Variants in CSMD1 observed in about 807,000 individuals in gnomAD.
CSMD1 encodes the protein CUB and Sushi multiple domains 1.
Under a neutral mutation model 417.5 loss-of-function variants are expected in CSMD1, and 213 were observed. That is an observed-to-expected ratio of 0.51 (90% CI 0.46 to 0.57). The LOEUF is 0.57. Among genes scored for constraint, CSMD1 ranks in the 20% least tolerant of loss-of-function variants. CSMD1 has a pLI of 0.00. For missense variants in CSMD1, 6,923 were observed against 4,529.7 expected, an observed-to-expected ratio of 1.53 and a Z score of -15.17; for synonymous variants, 2,862 against 1,736.8, an observed-to-expected ratio of 1.65 and a Z score of -16.11.
chr8:4,758,472 G>A (rs921938028), intron 1 of CSMD1, among the ~76,000 whole-genome samples: 2 of 152,160 alleles, frequency 1.3e-5, no homozygotes, highest in Admixed American at 6.5e-5. Flanking sequence ...AAGGAGCTCA[G>A]AAAAGAAAGA....
chr8:4,470,156 T>C (rs1049890100), intron 2 of CSMD1, among the ~76,000 whole-genome samples: 6 of 152,062 alleles, frequency 3.9e-5, no homozygotes, highest in Non-Finnish European at 7.4e-5. Flanking sequence ...AGGTGGCCTT[T>C]GGTTTTCATA....
intron 3 of CSMD1, among the ~76,000 whole-genome samples, chr8:4,260,192 C>G (rs1041272680): frequency 6.6e-6 from 1 of 152,194 alleles, no homozygotes; most frequent in African/African-American, 2.4e-5. Context: ...TGATTATTAT[C>G]AGGTGTTGCC....
chr8:4,075,482 A>G (rs1327859630), intron 3 of CSMD1, among the ~76,000 whole-genome samples: 3 of 152,180 alleles, frequency 2.0e-5, no homozygotes, highest in East Asian at 1.9e-4. Flanking sequence ...TTACAGGTAA[A>G]ATAAAGTGGC....
Position 3,157,891 on chromosome 8 carries a change from C to A in CSMD1, c.5914+6G>T. On this transcript the variant is annotated splice_donor_region_variant and intron_variant, in intron 39 of 69. Coordinates refer to ENST00000635120, the MANE Select transcript of CSMD1 (RefSeq NM_033225.6). ...AGCAGCAGAGTTACAGAAGGTGCAT[C>A]CTTACCAATGCACAGGGGAGACGGA... The A allele has an allele frequency of 6.4e-7, 1 of 1,550,758 alleles. No homozygotes were observed. The highest frequency in any genetic ancestry group is 8.7e-7 in the Non-Finnish European group (1 of 1,145,714).
chr8:3,646,271 A>G (rs1797566244), intron 7 of CSMD1, among the ~76,000 whole-genome samples: 1 of 152,170 alleles, frequency 6.6e-6, no homozygotes, highest in Admixed American at 6.5e-5. Context: ...TGTTAACTGT[A>G]ATTTTTCTCA....
chr8:3,551,691 G>C (rs1039527698), intron 10 of CSMD1, among the ~76,000 whole-genome samples: 1 of 146,358 alleles, frequency 6.8e-6, no homozygotes, highest in African/African-American at 2.5e-5. Flanking sequence ...ATGTAATAAA[G>C]ACATGACTGA....
chr8:3,603,336 A>G (rs956914444), intron 8 of CSMD1, among the ~76,000 whole-genome samples: 8 of 152,112 alleles, frequency 5.3e-5, no homozygotes, highest in African/African-American at 1.9e-4. Context: ...ATTTTTTTTA[A>G]GTTGTGAAAA....
rs191119336 is a variant in CSMD1 at position 4,947,917 on chromosome 8, G to C, written c.85+46415C>G. ...CGTCCATTCTCCTGTAAGACATTCG[G>C]GTAATTCTTGGGTGCTTTGTGCGTT... On this transcript the variant is annotated intron_variant, in intron 1 of 69. Coordinates refer to ENST00000635120, the MANE Select transcript of CSMD1 (RefSeq NM_033225.6). 3.9e-5 allele frequency among the ~76,000 whole-genome samples: 6 copies of C among 151,916 alleles called. No individual in the cohort carries two copies. The East Asian group carries it at 5.8e-4, about 15-fold the overall frequency.
At chr8:4,211,845 G>A (rs1800330669) in intron 3 of CSMD1, among the ~76,000 whole-genome samples, 1 of 152,124 alleles carries the variant, frequency 6.6e-6, no homozygotes, top group African/African-American at 2.4e-5. Context: ...TTGAGGGTGA[G>A]AAAACACTAA....
intron 62 of CSMD1, among the ~76,000 whole-genome samples, chr8:2,960,636 G>T (rs995759486): frequency 1.3e-5 from 2 of 152,084 alleles, no homozygotes; most frequent in African/African-American, 4.8e-5. Flanking sequence ...ATAATTCATA[G>T]AAATTTAAAG....
In CSMD1 at chr8:2,998,046, T is replaced by C. The variant is rs1177150814; in HGVS notation, c.8342A>G (p.Asn2781Ser). 1.3e-5 allele frequency: 21 copies of C among 1,613,870 alleles called. No individual in the cohort carries two copies. The highest frequency in any genetic ancestry group is 8.8e-5 in the South Asian group (8 of 91,094). ...QGVSRAQCRS[N>S]GQWSSPLPTC... The stretch of plus-strand genomic sequence containing the variant: ...GGGCAGAGGGCTACTCCACTGGCCG[T>C]TGCTCCGACACTGGGCTCGAGACAC... Residue 2781 changes from asparagine to serine, a missense_variant, in exon 54 of 70, where the codon AAC becomes AGC. Transcript: ENST00000635120.
At chr8:4,841,551 C>A (rs1800834969) in intron 1 of CSMD1, among the ~76,000 whole-genome samples, 1 of 152,076 alleles carries the variant, frequency 6.6e-6, no homozygotes, top group African/African-American at 2.4e-5. Flanking sequence ...AAACAAAGGT[C>A]AAATACAAAC....
intron 3 of CSMD1, among the ~76,000 whole-genome samples, chr8:4,400,917 A>G (rs1215093622): frequency 1.3e-5 from 2 of 151,698 alleles, no homozygotes; most frequent in African/African-American, 4.8e-5. Flanking sequence ...GCAATGACTC[A>G]GTACAATACC....
chr8:3,159,284 T>C (rs778925603), intron 38 of CSMD1, among the ~76,000 whole-genome samples: 1 of 152,202 alleles, frequency 6.6e-6, no homozygotes, highest in Non-Finnish European at 1.5e-5. Context: ...TGAGCGATTC[T>C]AGCTACAAGT....
intron 7 of CSMD1, among the ~76,000 whole-genome samples, chr8:3,656,296 C>A (rs934316690): frequency 1.3e-5 from 2 of 152,188 alleles, no homozygotes; most frequent in Non-Finnish European, 2.9e-5. Context: ...CAGAAATACT[C>A]TCTCAGAAGC....
At chr8:3,457,235 T>A (rs1816209877) in intron 12 of CSMD1, among the ~76,000 whole-genome samples, 1 of 151,966 alleles carries the variant, frequency 6.6e-6, no homozygotes, top group African/African-American at 2.4e-5. Context: ...ACTGCACCTC[T>A]CATCCTGGAC....
At chr8:3,286,698 A>G (rs1803187430) in intron 25 of CSMD1, among the ~76,000 whole-genome samples, 1 of 151,580 alleles carries the variant, frequency 6.6e-6, no homozygotes, top group Non-Finnish European at 1.5e-5. Flanking sequence ...AATTTGTTAG[A>G]GTTCATTGTA....
At chr8:3,617,239 T>C (rs1054374031) in intron 7 of CSMD1, among the ~76,000 whole-genome samples, 11 of 152,220 alleles carry the variant, frequency 7.2e-5, no homozygotes, top group East Asian at 1.9e-4. Flanking sequence ...AATAACATTA[T>C]GTATATTTTA....
chr8:3,168,482 G>A (rs963153242), intron 37 of CSMD1, among the ~76,000 whole-genome samples: 1 of 152,094 alleles, frequency 6.6e-6, no homozygotes, highest in African/African-American at 2.4e-5. Flanking sequence ...CATAGGGGAA[G>A]AAAGAAATCA....
Sources: allele counts gnomAD v4.1 joint callset (sites outside exome capture counted in the v4.1 genomes callset), GRCh38; gene constraint gnomAD v4.1.1; transcripts MANE v1.5; gene names NCBI Gene and HGNC (gene_info 2026-07-23, HGNC 2026-07-21).